Variants in LIN7C observed in about 807,000 individuals in gnomAD.
The protein encoded by LIN7C is lin-7 cell polarity scaffold C, also known as protein lin-7 homolog C.
LIN7C carries 17 observed loss-of-function variants against 24.7 expected under a neutral mutation model. The ratio of observed to expected loss-of-function variants is 0.69; its 90% confidence interval spans 0.47 to 1.03. The LOEUF (loss-of-function observed/expected upper bound fraction) is 1.03, where lower values mean the gene tolerates loss of function less well. Among genes scored for constraint, LIN7C ranks in the 50% least tolerant of loss-of-function variants. The probability of loss-of-function intolerance (pLI) is 0.00; values close to 1 mark genes in which losing one functional copy is unlikely to be tolerated. For missense variants in LIN7C, 204 were observed against 239.0 expected (o/e 0.85, Z 0.97); for synonymous variants, 90 against 83.4 (o/e 1.08, Z -0.43).
chr11:27,499,370 C>CAG lies in LIN7C; in HGVS notation c.425_426dup (p.Val143LeufsTer5). 6.2e-7 allele frequency: 1 copy of CAG among 1,613,238 alleles called. No homozygotes were observed. ...AAATTCATCCTTACCACTCCATTAA[C>CAG]AGAGAGGAGTTGATCTCCACGTTTG... On this transcript the variant is annotated frameshift_variant, in exon 4 of 5. Coordinates refer to ENST00000278193, the MANE Select transcript of LIN7C (RefSeq NM_018362.4). LOFTEE classifies it high-confidence loss of function.
At position 27,495,811 on chromosome 11, in the gene LIN7C, AT is replaced by A. The variant is rs1381488601; in HGVS notation, c.*2837del. The A allele has an allele frequency of 1.3e-5, 2 of 152,084 alleles. No homozygotes were observed. The highest frequency in any genetic ancestry group is 2.9e-5 in the Non-Finnish European group (2 of 68,010). 9.4% of individuals were successfully genotyped at this position (152,084 alleles called of 1,614,324 possible). ...AAATAAGGAATGCCAAGTACCTTTT[AT>A]TCCTAAAAGAAATTACTTGGCCAGG... On this transcript the variant is annotated 3_prime_UTR_variant, in exon 5 of 5. Transcript: ENST00000278193.
rs1865168430 is a variant in LIN7C at position 27,496,209 on chromosome 11, G to T, written c.*2440C>A. 1 of 151,680 alleles carries T rather than the reference G, an allele frequency of 6.6e-6. No individual in the cohort carries two copies. The highest frequency in any genetic ancestry group is 1.5e-5 in the Non-Finnish European group (1 of 67,966). 9.4% of individuals were successfully genotyped at this position (151,680 alleles called of 1,614,324 possible). On this transcript the variant is annotated 3_prime_UTR_variant, in exon 5 of 5. Transcript: ENST00000278193. ...TTAGTTGTTATGGAATAGGACCCAG[G>T]TATCAATTTTTTAAAGCTCTGCCAG...
intron 3 of LIN7C, 64 bp from the exon 4 acceptor site, chr11:27,499,632 T>G: frequency 6.9e-7 from 1 of 1,444,160 alleles, no homozygotes; most frequent in African/African-American, 1.4e-5. Flanking sequence ...TCATCTTTTG[T>G]TTCCCCCCGA....
At chr11:27,500,416 C>G (rs1422076186) in intron 3 of LIN7C, among the ~76,000 whole-genome samples, 1 of 152,138 alleles carries the variant, frequency 6.6e-6, no homozygotes, top group Non-Finnish European at 1.5e-5. Flanking sequence ...AAGAGAGGTA[C>G]ATATAGCCAA....
At position 27,501,586 on chromosome 11, in the gene LIN7C, A is replaced by T. The variant is rs747846656; in HGVS notation, c.157-20T>A. 4.6e-5 allele frequency: 56 copies of T among 1,208,886 alleles called. No homozygotes were observed. The highest frequency in any genetic ancestry group is 6.3e-5 in the Non-Finnish European group (55 of 866,268). The allele number at this position is 1,208,886 out of a possible 1,614,324, so 74.9% of individuals were successfully genotyped here. A position where few individuals can be genotyped will look rare whatever the true frequency, so the allele number is the denominator to read the frequency against. Reference sequence around the variant, plus strand: ...ATATACCTGTAAAAGCCAAAGTTATATCTCAGAATATACCATGCTTGAGTT... The same window carrying T: ...ATATACCTGTAAAAGCCAAAGTTATTTCTCAGAATATACCATGCTTGAGTT... On this transcript the variant is annotated intron_variant, in intron 2 of 4. Transcript: ENST00000278193.
intron 1 of LIN7C, among the ~76,000 whole-genome samples, chr11:27,503,902 C>T (rs1865248292): frequency 6.6e-6 from 1 of 152,164 alleles, no homozygotes; most frequent in South Asian, 2.1e-4. Flanking sequence ...ACTGCAACCT[C>T]TGCCTCCAGG....
rs1040038809 is a variant in LIN7C at position 27,497,285 on chromosome 11, T to A, written c.*1364A>T. On this transcript the variant is annotated 3_prime_UTR_variant, in exon 5 of 5. Coordinates refer to ENST00000278193, the MANE Select transcript of LIN7C (RefSeq NM_018362.4). ...CCCACTTTTTTATATAGGGTCAATA[T>A]GCCAAATTACTTATATTTTTCAATC... 6.6e-6 allele frequency: 1 copy of A among 152,562 alleles called. No individual in the cohort carries two copies. Among genetic ancestry groups the A allele is most frequent in the African/African-American group, 2.4e-5 (1 of 41,448 alleles). 9.5% of individuals were successfully genotyped at this position (152,562 alleles called of 1,614,324 possible). A position where few individuals can be genotyped will look rare whatever the true frequency, so the allele number is the denominator to read the frequency against.
intron 1 of LIN7C, among the ~76,000 whole-genome samples, chr11:27,502,623 C>A (rs1003898810): frequency 6.6e-5 from 10 of 152,092 alleles, no homozygotes; most frequent in Non-Finnish European, 5.9e-5. Flanking sequence ...GGTCTCAATA[C>A]CACCTGTGTG....
At position 27,496,044 on chromosome 11, in the gene LIN7C, G is replaced by T. The variant is rs1297321421; in HGVS notation, c.*2605C>A. On this transcript the variant is annotated 3_prime_UTR_variant, in exon 5 of 5. Coordinates refer to ENST00000278193, the MANE Select transcript of LIN7C (RefSeq NM_018362.4). Reference sequence around the variant, plus strand: ...AAATGTAATTAATCATTAAGTAGCTGCAAATTGAACTGTTCTATTTTGATA... The same window carrying T: ...AAATGTAATTAATCATTAAGTAGCTTCAAATTGAACTGTTCTATTTTGATA... 6.6e-6 allele frequency: 1 copy of T among 150,790 alleles called. No homozygotes were observed. The highest frequency in any genetic ancestry group is 2.4e-5 in the African/African-American group (1 of 41,148). 9.3% of individuals were successfully genotyped at this position (150,790 alleles called of 1,614,324 possible).
Position 27,499,346 on chromosome 11 carries a change from A to C in LIN7C, c.438+13T>G. 8 of 1,610,396 alleles carry C rather than the reference A, an allele frequency of 5.0e-6. No individual in the cohort carries two copies. Among genetic ancestry groups the C allele is most frequent in the Non-Finnish European group, 5.9e-6 (7 of 1,176,812 alleles). ...AACAGATCACTACAAATAGAAATAA[A>C]ATTCATCCTTACCACTCCATTAACA... On this transcript the variant is annotated intron_variant, in intron 4 of 4. Transcript: ENST00000278193.
intron 4 of LIN7C, 85 bp from the exon 5 acceptor site, chr11:27,498,889 T>A: frequency 8.6e-7 from 1 of 1,161,766 alleles, no homozygotes; most frequent in Non-Finnish European, 1.2e-6. Context: ...ACAATATATA[T>A]AATGAAGAAA....
intron 2 of LIN7C, 44 bp from the exon 3 acceptor site, chr11:27,501,610 T>C: frequency 1.4e-6 from 2 of 1,412,458 alleles, no homozygotes. Flanking sequence ...CATGCTTGAG[T>C]TCTCTGTGAA....
rs1423077140 is a variant in LIN7C at position 27,498,656 on chromosome 11, T to C, written c.587A>G (p.Gln196Arg). Reference sequence around the variant, plus strand: ...ATCAAGTTTTGAAATGTATTAGGTCTGTTGCCTGCGTTTTGCTGATCTCAT... The same window carrying C: ...ATCAAGTTTTGAAATGTATTAGGTCCGTTGCCTGCGTTTTGCTGATCTCAT... ...EKMRSAKRRQ[Q>R]T Residue 196 changes from glutamine to arginine, a missense_variant, in exon 5 of 5, where the codon CAG (glutamine) becomes CGG (arginine). Physicochemically the swap from Gln to Arg is conservative, Grantham distance 43. Around this residue, in one of 3 missense-constraint regions of LIN7C, gnomAD observed 74 missense variants for 99.6 expected, o/e 0.74. Transcript: ENST00000278193. 1.9e-6 allele frequency: 3 copies of C among 1,613,826 alleles called. No homozygotes were observed. In the East Asian group the frequency reaches 6.7e-5, roughly 36 times the overall value.
At chr11:27,499,905 G>A (rs1590441112) in intron 3 of LIN7C, among the ~76,000 whole-genome samples, 1 of 152,320 alleles carries the variant, frequency 6.6e-6, no homozygotes, top group Middle Eastern at 3.4e-3. Flanking sequence ...GGGATTACAG[G>A]CGTGAGCCAC....
Position 27,501,500 on chromosome 11 carries a change from C to T in LIN7C, c.223G>A (p.Ala75Thr), listed in dbSNP as rs772647960. The T allele has an allele frequency of 2.1e-5, 33 of 1,592,844 alleles. No individual in the cohort carries two copies. The highest frequency in any genetic ancestry group is 2.6e-5 in the Non-Finnish European group (31 of 1,171,016). ...TGGAAAACAAAAAAATTTACCTTTG[C>T]AGTAGCGTTCGCTCTCACTTCAGGA... ...SSPEVRANAT[A>T]KATVAAFAAS... Residue 75 changes from alanine (A) to threonine (T), a missense_variant, in exon 3 of 5, where the codon GCA becomes ACA. By Grantham distance (58) the Ala-to-Thr change is moderately conservative. Transcript: ENST00000278193.
At chr11:27,506,587 G>T in intron 1 of LIN7C, 129 bp downstream of exon 1, 1 of 1,017,276 alleles carries the variant, frequency 9.8e-7, no homozygotes, top group Non-Finnish European at 1.5e-6. Context: ...GACAACGGCG[G>T]CCTCTGGCGC....
chr11:27,496,876 T>C lies in LIN7C; in HGVS notation c.*1773A>G, dbSNP rs1443752383. 6.6e-6 allele frequency: 1 copy of C among 152,464 alleles called. No individual in the cohort carries two copies. The highest frequency in any genetic ancestry group is 1.5e-5 in the Non-Finnish European group (1 of 67,980). The allele number at this position is 152,464 out of a possible 1,614,324, so 9.4% of individuals were successfully genotyped here. ...AAATGCAAGAATACAAGCATAACAA[T>C]AATATTACTGTTTTTATATGCACCA... On this transcript the variant is annotated 3_prime_UTR_variant, in exon 5 of 5. Coordinates refer to ENST00000278193, the MANE Select transcript of LIN7C (RefSeq NM_018362.4).
intron 3 of LIN7C, among the ~76,000 whole-genome samples, chr11:27,500,276 T>A (rs1865211080): frequency 6.6e-6 from 1 of 152,192 alleles, no homozygotes; most frequent in Admixed American, 6.5e-5. Context: ...TCAGGAGCCT[T>A]TGTGCAGGAC....
At position 27,495,044 on chromosome 11, in the gene LIN7C, C is replaced by A. The variant is rs11030033; in HGVS notation, c.*3605G>T. The A allele has an allele frequency of 6.6e-6, 1 of 152,592 alleles. No individual in the cohort carries two copies. The allele number at this position is 152,592 out of a possible 1,614,324, so 9.5% of individuals were successfully genotyped here. ...GACATTCTTTTTGGATAAGCCATAA[C>A]CATTTCTTCTATTAAATGCTATAAT... On this transcript the variant is annotated 3_prime_UTR_variant, in exon 5 of 5. Coordinates refer to ENST00000278193, the MANE Select transcript of LIN7C (RefSeq NM_018362.4).
Sources: allele counts gnomAD v4.1 joint callset (sites outside exome capture counted in the v4.1 genomes callset), GRCh38; gene constraint gnomAD v4.1.1; regional missense constraint gnomAD v4.1.1; transcripts MANE v1.5; gene names NCBI Gene and HGNC (gene_info 2026-07-23, HGNC 2026-07-21).